UBE2G2: variants seen among roughly 807,000 people sequenced by gnomAD.
UBE2G2 encodes ubiquitin conjugating enzyme E2 G2.
A neutral mutation model predicts 23.0 loss-of-function variants in UBE2G2; 10 were observed. The observed-to-expected ratio is 0.43, with a 90% confidence interval of 0.27 to 0.74. The LOEUF is 0.74. Ranked by LOEUF, UBE2G2 falls within the 30% of genes least tolerant of loss-of-function variation. The pLI is 0.19. For missense variants in UBE2G2, 150 were observed against 218.3 expected, an observed-to-expected ratio of 0.69 and a Z score of 1.97; for synonymous variants, 86 against 81.3, an observed-to-expected ratio of 1.06 and a Z score of -0.31.
At chr21:44,779,094 G>A in intron 3 of UBE2G2, 1 of 231,134 alleles carries the variant, frequency 4.3e-6, no homozygotes, top group South Asian at 4.1e-5. Flanking sequence ...ATAATTAAAG[G>A]AAAAAGACAA....
chr21:44,781,923 AT>A (rs1268066357), intron 3 of UBE2G2, among the ~76,000 whole-genome samples: 1 of 152,160 alleles, frequency 6.6e-6, no homozygotes, highest in African/African-American at 2.4e-5. Flanking sequence ...TACCCTAATT[AT>A]TTTTTGCAAT....
rs182083012 is a variant in UBE2G2 at position 44,770,299 on chromosome 21, T to C, written c.*1078A>G. The C allele has an allele frequency of 6.6e-6, 1 of 152,342 alleles. No homozygotes were observed. The highest frequency in any genetic ancestry group is 6.5e-5 in the Admixed American group (1 of 15,304). The allele number at this position is 152,342 out of a possible 1,614,324, so 9.4% of individuals were successfully genotyped here. A position where few individuals can be genotyped will look rare whatever the true frequency, so the allele number is the denominator to read the frequency against. The stretch of plus-strand genomic sequence containing the variant: ...CTGTAGATCCAGAAGAAACTTTCAT[T>C]GAAACTTTAAAGACCTCACCTGCAC... On this transcript the variant is annotated 3_prime_UTR_variant, in exon 6 of 6. Transcript: ENST00000345496.
chr21:44,799,510 T>C (rs2083118825), intron 1 of UBE2G2, among the ~76,000 whole-genome samples: 4 of 152,368 alleles, frequency 2.6e-5, no homozygotes, highest in Non-Finnish European at 4.4e-5. Context: ...TTTACTTCAA[T>C]CTCATGAACC....
intron 1 of UBE2G2, among the ~76,000 whole-genome samples, chr21:44,795,950 G>A (rs1300418178): frequency 1.3e-5 from 2 of 152,140 alleles, no homozygotes; most frequent in African/African-American, 2.4e-5. Flanking sequence ...GACAATAAAC[G>A]CCAAGGATGA....
In UBE2G2 at chr21:44,771,425, C is replaced by G. The variant is rs1313693189; in HGVS notation, c.450G>C (p.Gln150His). Reference protein sequence around the residue: ...ASKMWRDDREQFYKIAKQIVQ... With the variant: ...ASKMWRDDREHFYKIAKQIVQ... ...CGATCTGCTTGGCAATCTTATAGAA[C>G]TGCTCCCGGTCATCGCGCCACATTT... is the stretch of plus-strand genomic sequence containing the variant. The change falls in exon 6 of 6, where the codon CAG (glutamine) becomes CAC (histidine). Residue 150 changes from glutamine to histidine, a missense_variant. Coordinates refer to ENST00000345496, the MANE Select transcript of UBE2G2 (RefSeq NM_003343.6). This position sits in a 1 kb window ranked among gnomAD's most constrained non-coding sequence, Gnocchi z 4.6. The G allele has an allele frequency of 1.8e-5, 29 of 1,613,148 alleles. No homozygotes were observed. The highest frequency in any genetic ancestry group is 2.3e-5 in the Non-Finnish European group (27 of 1,180,038).
Position 44,801,811 on chromosome 21 carries a change from A to C in UBE2G2, c.-63T>G, listed in dbSNP as rs1236233233. The C allele has an allele frequency of 2.7e-6, 4 of 1,484,984 alleles. No individual in the cohort carries two copies. Among genetic ancestry groups the C allele is most frequent in the Non-Finnish European group, 3.6e-6 (4 of 1,122,200 alleles). The allele number at this position is 1,484,984 out of a possible 1,614,324, so 92.0% of individuals were successfully genotyped here. On this transcript the variant is annotated 5_prime_UTR_variant, in exon 1 of 6. Transcript: ENST00000345496. ...CCGCGCGCGTGCCTCCTGCCCCGAC[A>C]CCGGGGACTGCTTCCGGGCCACCGT...
chr21:44,781,402 C>T (rs1396895981), intron 3 of UBE2G2, among the ~76,000 whole-genome samples: 2 of 152,158 alleles, frequency 1.3e-5, no homozygotes, highest in Non-Finnish European at 2.9e-5. Context: ...AGCTTCTTGC[C>T]GATGTTCCCA....
chr21:44,773,627 C>T lies in UBE2G2; in HGVS notation c.305G>A (p.Gly102Asp). ...CCACCGCTCCGCGCTGCTCTCGTAG[C>T]CCATGGGGTCATCGCCTGGCGCGTG... is the stretch of plus-strand genomic sequence containing the variant. ...ILHAPGDDPM[G>D]YESSAERWSP... The change falls in exon 5 of 6, where the codon GGC becomes GAC. Residue 102 changes from glycine to aspartate, a missense_variant. By Grantham distance (94) the Gly-to-Asp change is moderately conservative. Coordinates refer to ENST00000345496, the MANE Select transcript of UBE2G2 (RefSeq NM_003343.6). 1 of 1,612,712 alleles carries T rather than the reference C, an allele frequency of 6.2e-7. No homozygotes were observed. Among genetic ancestry groups the T allele is most frequent in the Non-Finnish European group, 8.5e-7 (1 of 1,180,036 alleles).
chr21:44,787,566 A>G (rs1371040158), intron 3 of UBE2G2, among the ~76,000 whole-genome samples: 3 of 152,228 alleles, frequency 2.0e-5, no homozygotes, highest in African/African-American at 7.2e-5. Context: ...TCAAAATTTC[A>G]CACCTGAAGG....
At position 44,797,714 on chromosome 21, in the gene UBE2G2, C is replaced by CA. The variant is rs60369865; in HGVS notation, c.43+3991dup. On this transcript the variant is annotated intron_variant, in intron 1 of 5. Transcript: ENST00000345496. ...TGGGCGACAGAGCAAAACTCCGTCT[C>CA]AAAAAAAAAAAAAAAAAAAAAAAAA... 6.0e-3 allele frequency among the ~76,000 whole-genome samples: 234 copies of CA among 39,286 alleles called. 3 individuals are homozygous for CA. Among genetic ancestry groups the CA allele is most frequent in the African/African-American group, 8.1e-3 (71 of 8,736 alleles). 25.8% of individuals were successfully genotyped at this position (39,286 alleles called of 152,430 possible). A position where few individuals can be genotyped will look rare whatever the true frequency, so the allele number is the denominator to read the frequency against.
chr21:44,780,327 G>A (rs528726350), intron 3 of UBE2G2, among the ~76,000 whole-genome samples: 3 of 152,334 alleles, frequency 2.0e-5, no homozygotes, highest in Non-Finnish European at 2.9e-5. Context: ...GGCAACTCCC[G>A]AGCCAGGAGT....
Position 44,771,214 on chromosome 21 carries a change from A to T in UBE2G2, c.*163T>A. ...ACATTAAGTCATCATTTCAGAAGAG[A>T]AGCCTGTTTGAAGTAGGAAAGGTTT... On this transcript the variant is annotated 3_prime_UTR_variant, in exon 6 of 6. Transcript: ENST00000345496. This position sits in a 1 kb window ranked among gnomAD's most constrained non-coding sequence, Gnocchi z 4.6. 1.6e-6 allele frequency: 1 copy of T among 617,430 alleles called. No individual in the cohort carries two copies. 38.2% of individuals were successfully genotyped at this position (617,430 alleles called of 1,614,324 possible).
intron 3 of UBE2G2, among the ~76,000 whole-genome samples, chr21:44,781,829 T>C (rs1351888514): frequency 1.3e-5 from 2 of 152,246 alleles, no homozygotes; most frequent in Non-Finnish European, 2.9e-5. Context: ...TTCCATTTTA[T>C]GAAATCATAG....
rs235366 is a variant in UBE2G2, at chr21:44,784,170, G to A, written c.125+3750C>T. ...GACCATGTCTCCATAAGAAAGGGAG[G>A]GGAGGGGAGGGGAGGGAAGAAAGGA... On this transcript the variant is annotated intron_variant, in intron 3 of 5. Coordinates refer to ENST00000345496, the MANE Select transcript of UBE2G2 (RefSeq NM_003343.6). 5.7e-3 allele frequency among the ~76,000 whole-genome samples: 863 copies of A among 151,896 alleles called. 10 individuals are homozygous for A. The highest frequency in any genetic ancestry group is 0.014 in the Admixed American group (210 of 15,260).
At chr21:44,778,827 A>G (rs1471982292) in intron 3 of UBE2G2, among the ~76,000 whole-genome samples, 1 of 152,206 alleles carries the variant, frequency 6.6e-6, no homozygotes, top group African/African-American at 2.4e-5. Flanking sequence ...CTGCTCCTCT[A>G]ACAACAAAGG....
intron 1 of UBE2G2, among the ~76,000 whole-genome samples, chr21:44,795,667 CA>C: frequency 6.6e-6 from 1 of 151,358 alleles, no homozygotes; most frequent in Non-Finnish European, 1.5e-5. Flanking sequence ...AAAAAGAAAA[CA>C]AAAAACAACT....
intron 1 of UBE2G2, chr21:44,800,694 TTAC>T (rs2083128950): frequency 6.6e-6 from 1 of 152,208 alleles, no homozygotes; most frequent in Non-Finnish European, 1.5e-5. Context: ...ACATCAACTC[TTAC>T]TGGGCGGTGT....
chr21:44,797,510 A>C (rs2083100875), intron 1 of UBE2G2, among the ~76,000 whole-genome samples: 1 of 152,024 alleles, frequency 6.6e-6, no homozygotes, highest in Non-Finnish European at 1.5e-5. Flanking sequence ...AGGTCAGGAG[A>C]TCGAGACCAT....
intron 3 of UBE2G2, among the ~76,000 whole-genome samples, chr21:44,786,634 T>C (rs2082998622): frequency 6.6e-6 from 1 of 152,218 alleles, no homozygotes; most frequent in Non-Finnish European, 1.5e-5. Context: ...TCCAAGCAAC[T>C]GGCGAATTCC....
Sources: gnomAD v4.1 joint callset for allele counts (sites outside exome capture counted in the v4.1 genomes callset) on GRCh38, gnomAD v4.1.1 for gene constraint, Gnocchi (gnomAD v3.1) non-coding constraint, MANE v1.5 for transcripts, NCBI Gene and HGNC (gene_info 2026-07-23, HGNC 2026-07-21) for gene names.